The following GEMIN2 variants were observed in gnomAD, a reference collection of about 807,000 sequenced individuals.
The protein encoded by GEMIN2 is gem nuclear organelle associated protein 2, also known as gem-associated protein 2.
Under a neutral mutation model 45.8 loss-of-function variants are expected in GEMIN2, and 37 were observed. The ratio of observed to expected loss-of-function variants is 0.81; its 90% CI spans 0.62 to 1.06. GEMIN2 has a LOEUF of 1.06. Among genes scored for constraint, GEMIN2 ranks in the 50% least tolerant of loss-of-function variants. The probability of loss-of-function intolerance (pLI) is 0.00; values close to 1 mark genes in which losing one functional copy is unlikely to be tolerated. For missense variants in GEMIN2, 335 were observed against 321.8 expected (o/e 1.04, Z -0.31); for synonymous variants, 101 against 111.5 (o/e 0.91, Z 0.60).
intron 7 of GEMIN2, among the ~76,000 whole-genome samples, chr14:39,129,139 G>T (rs1320641007): frequency 2.6e-5 from 4 of 152,006 alleles, no homozygotes; most frequent in Admixed American, 2.0e-4. Context: ...TAAATATATG[G>T]TTTTTTTGGA....
chr14:39,118,334 A>T (rs140851890), intron 3 of GEMIN2, among the ~76,000 whole-genome samples: 2,280 of 152,108 alleles, frequency 0.015, 58 homozygotes, highest in African/African-American at 0.051. Flanking sequence ...TACATGGATA[A>T]GTTCTTTAGT....
chr14:39,125,755 C>T (rs900192733), intron 6 of GEMIN2, among the ~76,000 whole-genome samples: 5 of 152,070 alleles, frequency 3.3e-5, no homozygotes, highest in African/African-American at 9.7e-5. Flanking sequence ...GGCGCGGTGG[C>T]TTATGCCTGT....
At chr14:39,132,709 C>G (rs1276613866) in intron 8 of GEMIN2, among the ~76,000 whole-genome samples, 1 of 120,788 alleles carries the variant, frequency 8.3e-6, no homozygotes, top group Non-Finnish European at 1.6e-5. Context: ...GATGGAGTCT[C>G]GCTCTGTCAC....
intron 9 of GEMIN2, among the ~76,000 whole-genome samples, chr14:39,134,786 TTAGAG>T (rs1283546893): frequency 6.6e-6 from 1 of 152,142 alleles, no homozygotes; most frequent in Non-Finnish European, 1.5e-5. Flanking sequence ...CTAGTAAGTG[TTAGAG>T]TAATGATCCA....
In GEMIN2 at chr14:39,136,526, C is replaced by G. The variant is rs1209928694; in HGVS notation, c.*47C>G. The G allele has an allele frequency of 6.6e-7, 1 of 1,511,006 alleles. No homozygotes were observed. Among genetic ancestry groups the G allele is most frequent in the Non-Finnish European group, 9.2e-7 (1 of 1,090,976 alleles). The allele number at this position is 1,511,006 out of a possible 1,614,324, so 93.6% of individuals were successfully genotyped here. A position where few individuals can be genotyped will look rare whatever the true frequency, so the allele number is the denominator to read the frequency against. On this transcript the variant is annotated 3_prime_UTR_variant, in exon 10 of 10. Transcript: ENST00000308317. ...AGAAGATATTTCTCATGAAGGCAGC[C>G]TAACTCTGAGGAAAACAATGCCAAT...
In GEMIN2 at chr14:39,133,224, GATAAAT is replaced by G; in HGVS notation, c.712-433_712-428del. On this transcript the variant is annotated intron_variant, in intron 8 of 9. Coordinates refer to ENST00000308317, the MANE Select transcript of GEMIN2 (RefSeq NM_003616.3). ...AAGAATCCTGTGTCTTGACTACAGT[GATAAAT>G]ATATTTATTCATATATGTATATTAA... 2.7e-5 allele frequency among the ~76,000 whole-genome samples: 4 copies of G among 146,036 alleles called. 1 individual carries two copies. The highest frequency in any genetic ancestry group is 1.0e-4 in the African/African-American group (4 of 40,104).
rs866351401 is a variant in GEMIN2, at chr14:39,118,039, C to T, written c.263C>T (p.Thr88Ile). The T allele has an allele frequency of 1.2e-6, 2 of 1,608,938 alleles. No individual in the cohort carries two copies. Among genetic ancestry groups the T allele is most frequent in the Non-Finnish European group, 8.5e-7 (1 of 1,176,438 alleles). Residue 88 changes from threonine (T) to isoleucine (I), a missense_variant, in exon 3 of 10, where the codon ACA becomes ATA. Thr to Ile is a moderately conservative substitution (Grantham distance 89, BLOSUM62 -1). Transcript: ENST00000308317. Reference sequence around the variant, plus strand: ...CCCGCCCCTGAAGGTTATTCCCCAACACTTCAATGGCAACAGCAACAAGTG... The same window carrying T: ...CCCGCCCCTGAAGGTTATTCCCCAATACTTCAATGGCAACAGCAACAAGTG... ...CQPAPEGYSP[T>I]LQWQQQQVAQ...
chr14:39,124,365 A>G (rs2052613748), intron 5 of GEMIN2, among the ~76,000 whole-genome samples: 1 of 152,186 alleles, frequency 6.6e-6, no homozygotes, highest in Non-Finnish European at 1.5e-5. Context: ...CATCTTATCA[A>G]TGTTACAGTT....
At chr14:39,119,478 C>G (rs1366621090) in intron 4 of GEMIN2, among the ~76,000 whole-genome samples, 1 of 152,236 alleles carries the variant, frequency 6.6e-6, no homozygotes, top group African/African-American at 2.4e-5. Context: ...TACATTGTCT[C>G]AGGACAGTAG....
rs147141713 is a variant in GEMIN2, at chr14:39,136,621, T to C, written c.*142T>C. 128 of 643,706 alleles carry C rather than the reference T, an allele frequency of 2.0e-4. 1 individual carries two copies. In the East Asian group the frequency reaches 2.5e-3, roughly 13 times the overall value. The allele number at this position is 643,706 out of a possible 1,614,324, so 39.9% of individuals were successfully genotyped here. A position where few individuals can be genotyped will look rare whatever the true frequency, so the allele number is the denominator to read the frequency against. On this transcript the variant is annotated 3_prime_UTR_variant, in exon 10 of 10. Transcript: ENST00000308317. Reference sequence around the variant, plus strand: ...CACATCTTAACCTGTGCAATTCAGATTGATACTCAGAATATGGGTTGATTT... The same window carrying C: ...CACATCTTAACCTGTGCAATTCAGACTGATACTCAGAATATGGGTTGATTT...
At chr14:39,116,075 G>A (rs56335002) in intron 2 of GEMIN2, among the ~76,000 whole-genome samples, 14,460 of 150,772 alleles carry the variant, frequency 0.096, 855 homozygotes, top group African/African-American at 0.17. Context: ...TCAATTTTTC[G>A]CCCAGGCTGG....
At chr14:39,134,310 C>T (rs1212860676) in intron 9 of GEMIN2, 1 of 152,194 alleles carries the variant, frequency 6.6e-6, no homozygotes. Flanking sequence ...CCTTCACCTC[C>T]TGGGTTCAAG....
At chr14:39,133,004 A>G (rs1167816323) in intron 8 of GEMIN2, among the ~76,000 whole-genome samples, 1,745 of 119,816 alleles carry the variant, frequency 0.015, 37 homozygotes, top group African/African-American at 0.06. Context: ...GTGTGTGTAT[A>G]TATATGTGTG....
At chr14:39,120,872 C>T (rs2052565296) in intron 4 of GEMIN2, among the ~76,000 whole-genome samples, 2 of 152,130 alleles carry the variant, frequency 1.3e-5, no homozygotes, top group South Asian at 4.1e-4. Flanking sequence ...GGTGATTCAT[C>T]CTAAGGATTT....
intron 5 of GEMIN2, among the ~76,000 whole-genome samples, chr14:39,123,619 A>G (rs569119287): frequency 3.7e-4 from 50 of 135,996 alleles, no homozygotes; most frequent in African/African-American, 1.3e-3. Flanking sequence ...TTAATTTGGT[A>G]CTCTTTCTAT....
rs1477492403 is a variant in GEMIN2, at chr14:39,114,471, G to A, written c.133G>A (p.Val45Ile). Residue 45 changes from valine (V) to isoleucine (I), a missense_variant, in exon 1 of 10, where the codon GTC becomes ATC. Physicochemically the swap from Val to Ile is conservative, Grantham distance 29. Coordinates refer to ENST00000308317, the MANE Select transcript of GEMIN2 (RefSeq NM_003616.3). Reference sequence around the variant, plus strand: ...GACGCCTCAGGAATACCTGAGGCGGGTCCAGTGAGTGATTCGGCCCTGGGC... The same window carrying A: ...GACGCCTCAGGAATACCTGAGGCGGATCCAGTGAGTGATTCGGCCCTGGGC... ...PRTPQEYLRR[V>I]QIEAAQCPDV... 1.2e-5 allele frequency: 20 copies of A among 1,611,406 alleles called. No individual in the cohort carries two copies. Among genetic ancestry groups the A allele is most frequent in the Non-Finnish European group, 1.7e-5 (20 of 1,178,124 alleles).
chr14:39,136,353 G>A (rs939493484), intron 9 of GEMIN2, 87 bp from the exon 10 acceptor site: 11 of 732,172 alleles, frequency 1.5e-5, no homozygotes, highest in East Asian at 5.3e-5. Flanking sequence ...ATTGATGGAC[G>A]TTTGGGTTGC....
intron 9 of GEMIN2, chr14:39,134,490 C>T (rs555402141): frequency 1.3e-5 from 2 of 152,272 alleles, no homozygotes; most frequent in South Asian, 2.1e-4. Flanking sequence ...TTCCATAGAT[C>T]AGTGTTTTTA....
chr14:39,133,771 T>G (rs769369006), intron 9 of GEMIN2, 52 bp downstream of exon 9: 1 of 984,760 alleles, frequency 1.0e-6, no homozygotes, highest in Non-Finnish European at 1.5e-6. Flanking sequence ...TCAGTGAGGT[T>G]AGATCGTATT....
Sources: gnomAD v4.1 joint callset for allele counts (sites outside exome capture counted in the v4.1 genomes callset) on GRCh38, gnomAD v4.1.1 for gene constraint, MANE v1.5 for transcripts, NCBI Gene and HGNC (gene_info 2026-07-23, HGNC 2026-07-21) for gene names.